The following ACOXL variants were observed in gnomAD, a reference collection of about 807,000 sequenced individuals.
ACOXL encodes the protein acyl-CoA oxidase like, also known as acyl-coenzyme A oxidase-like protein.
ACOXL carries 70 observed loss-of-function variants against 71.9 expected under a neutral mutation model. The observed-to-expected ratio is 0.97, with a 90% CI of 0.80 to 1.19. The LOEUF (loss-of-function observed/expected upper bound fraction) is 1.19. Among genes scored for constraint, ACOXL ranks in the 50% most tolerant of loss-of-function variants. ACOXL has a pLI of 0.00. For missense variants in ACOXL, 703 were observed against 736.3 expected, an observed-to-expected ratio of 0.95 and a Z score of 0.52; for synonymous variants, 253 against 281.6, an observed-to-expected ratio of 0.90 and a Z score of 1.02.
At chr2:111,003,347 A>T (rs1433305506) in intron 14 of ACOXL, among the ~76,000 whole-genome samples, 1 of 151,982 alleles carries the variant, frequency 6.6e-6, no homozygotes, top group Non-Finnish European at 1.5e-5. Flanking sequence ...CAGGAATTGG[A>T]AACCAGCCTG....
intron 11 of ACOXL, among the ~76,000 whole-genome samples, chr2:110,916,619 G>A (rs2059869808): frequency 6.6e-6 from 1 of 152,080 alleles, no homozygotes; most frequent in South Asian, 2.1e-4. Context: ...GTGAATCCAG[G>A]AGCTGGTTTT....
chr2:110,819,928 C>G (rs1390441857), intron 9 of ACOXL, among the ~76,000 whole-genome samples: 1 of 152,168 alleles, frequency 6.6e-6, no homozygotes, highest in Non-Finnish European at 1.5e-5. Context: ...CTTAACCTCT[C>G]CAGGGCCCAG....
rs115145574 is a variant in ACOXL, at chr2:110,994,414, G to A, written c.1170-1479G>A. Among the ~76,000 whole-genome samples, 1,002 of 150,288 alleles carry A rather than the reference G, an allele frequency of 6.7e-3. 8 individuals are homozygous for A. The highest frequency in any genetic ancestry group is 0.023 in the African/African-American group (953 of 40,670). ...TCAATTGCTTCTTAACGTTTCTCTCGTGCCTTCTGATTGAGCAACAACAGC... is the reference window on the plus strand; with the variant it reads ...TCAATTGCTTCTTAACGTTTCTCTCATGCCTTCTGATTGAGCAACAACAGC... On this transcript the variant is annotated intron_variant, in intron 13 of 17. Coordinates refer to ENST00000439055, the MANE Select transcript of ACOXL (RefSeq NM_001142807.4).
At chr2:110,902,454 A>G (rs1205728411) in intron 10 of ACOXL, among the ~76,000 whole-genome samples, 1 of 152,256 alleles carries the variant, frequency 6.6e-6, no homozygotes, top group African/African-American at 2.4e-5. Flanking sequence ...TGGGCAACAG[A>G]GTGAGACTCT....
At chr2:110,986,967 C>A (rs2062960924) in intron 12 of ACOXL, 141 bp from the exon 13 acceptor site, 2 of 694,026 alleles carry the variant, frequency 2.9e-6, no homozygotes, top group Non-Finnish European at 2.5e-6. Context: ...GAAATAGAGA[C>A]CCTTGTAAGA....
At chr2:110,859,842 C>T (rs148836987) in intron 10 of ACOXL, among the ~76,000 whole-genome samples, 1 of 152,206 alleles carries the variant, frequency 6.6e-6, no homozygotes, top group East Asian at 1.9e-4. Context: ...GGGATCAATG[C>T]TAGGACTCCC....
At chr2:110,814,324 G>C (rs984460659) in intron 9 of ACOXL, among the ~76,000 whole-genome samples, 1 of 152,142 alleles carries the variant, frequency 6.6e-6, no homozygotes, top group Admixed American at 6.5e-5. Flanking sequence ...CTGGGATCAG[G>C]AGTAAGAGGG....
intron 12 of ACOXL, among the ~76,000 whole-genome samples, chr2:110,942,937 G>A (rs1056141862): frequency 2.5e-5 from 3 of 120,796 alleles, no homozygotes; most frequent in African/African-American, 6.1e-5. Context: ...AAGAAAGAAA[G>A]AAGAAAGAAA....
rs114017255 is a variant in ACOXL at position 110,874,832 on chromosome 2, G to A, written c.788+33427G>A. The stretch of plus-strand genomic sequence containing the variant: ...ATTCTTGGGCTCCATCCCGGATCTC[G>A]TGAACCAGCATCCCTCGGGGTGGGA... On this transcript the variant is annotated intron_variant, in intron 10 of 17. Coordinates refer to ENST00000439055, the MANE Select transcript of ACOXL (RefSeq NM_001142807.4). Among the ~76,000 whole-genome samples the A allele has an allele frequency of 2.1e-3, 324 of 152,242 alleles. 1 individual carries two copies. Among genetic ancestry groups the A allele is most frequent in the Middle Eastern group, 0.017 (5 of 294 alleles).
At chr2:110,976,730 T>C (rs2149507833) in intron 12 of ACOXL, among the ~76,000 whole-genome samples, 1 of 152,332 alleles carries the variant, frequency 6.6e-6, no homozygotes, top group South Asian at 2.1e-4. Flanking sequence ...ATAATGACTT[T>C]AAGAAGGAAA....
intron 9 of ACOXL, among the ~76,000 whole-genome samples, chr2:110,807,052 G>A (rs1008012742): frequency 2.6e-5 from 4 of 152,214 alleles, no homozygotes; most frequent in Admixed American, 6.5e-5. Context: ...TGTTATCATG[G>A]ACCAGCCCCT....
At chr2:110,821,507 G>A (rs1688598793) in intron 9 of ACOXL, among the ~76,000 whole-genome samples, 2 of 152,080 alleles carry the variant, frequency 1.3e-5, no homozygotes, top group East Asian at 3.9e-4. Flanking sequence ...AAGCTAAGAG[G>A]GACCATCACT....
intron 8 of ACOXL, among the ~76,000 whole-genome samples, chr2:110,803,585 T>C (rs1410625879): frequency 2.0e-5 from 3 of 152,132 alleles, no homozygotes; most frequent in African/African-American, 7.2e-5. Flanking sequence ...AAAACACAGG[T>C]GTGAATTTTT....
chr2:110,856,819 G>C (rs1434317916), intron 10 of ACOXL, among the ~76,000 whole-genome samples: 1 of 152,172 alleles, frequency 6.6e-6, no homozygotes, highest in African/African-American at 2.4e-5. Context: ...GGGACCTACT[G>C]TAAAAGCCAG....
chr2:111,041,198 G>A (rs567892761), intron 15 of ACOXL, among the ~76,000 whole-genome samples: 36 of 152,272 alleles, frequency 2.4e-4, no homozygotes, highest in African/African-American at 7.2e-4. Flanking sequence ...TGCAGATGCC[G>A]AGACAGGCGC....
intron 14 of ACOXL, among the ~76,000 whole-genome samples, chr2:110,999,386 G>A (rs1040787514): frequency 1.3e-5 from 2 of 152,110 alleles, no homozygotes; most frequent in Non-Finnish European, 2.9e-5. Flanking sequence ...GGACATCAAT[G>A]TTTGAATTTA....
At chr2:110,889,693 A>T (rs1697720213) in intron 10 of ACOXL, among the ~76,000 whole-genome samples, 1 of 152,310 alleles carries the variant, frequency 6.6e-6, no homozygotes, top group Non-Finnish European at 1.5e-5. Flanking sequence ...TTATATTCCA[A>T]ATAGTATTCC....
chr2:110,935,601 GC>G (rs1186300542), intron 12 of ACOXL, among the ~76,000 whole-genome samples: 1 of 152,148 alleles, frequency 6.6e-6, no homozygotes, highest in Non-Finnish European at 1.5e-5. Flanking sequence ...TGGAATGCCA[GC>G]CCCCCAGGCA....
At chr2:111,023,038 C>A (rs1265292950) in intron 14 of ACOXL, among the ~76,000 whole-genome samples, 1 of 152,162 alleles carries the variant, frequency 6.6e-6, no homozygotes, top group Non-Finnish European at 1.5e-5. Context: ...AATGTAGCTG[C>A]ATACTCCATG....
Sources: allele counts gnomAD v4.1 joint callset (sites outside exome capture counted in the v4.1 genomes callset), GRCh38; gene constraint gnomAD v4.1.1; transcripts MANE v1.5; gene names NCBI Gene and HGNC (gene_info 2026-07-23, HGNC 2026-07-21).